The following MAP3K7CL variants were observed in gnomAD, a reference collection of about 807,000 sequenced individuals.
The protein encoded by MAP3K7CL is MAP3K7 C-terminal like.
Under a neutral mutation model 18.6 loss-of-function variants are expected in MAP3K7CL, and 16 were observed. The observed-to-expected ratio is 0.86, with a 90% CI of 0.58 to 1.31. MAP3K7CL has a LOEUF of 1.31. MAP3K7CL is among the 50% of genes most tolerant of loss of function. The pLI is 0.00. For synonymous variants in MAP3K7CL, 65 were observed against 66.8 expected (o/e 0.97, Z 0.13); for missense variants, 163 against 174.4 (o/e 0.93, Z 0.37).
At chr21:29,146,086 G>A (rs2087122570) in intron 2 of MAP3K7CL, among the ~76,000 whole-genome samples, 1 of 151,874 alleles carries the variant, frequency 6.6e-6, no homozygotes. Context: ...AATTAAGCAG[G>A]AAGGAGTGTG....
upstream of MAP3K7CL, chr21:29,085,800 C>T: frequency 6.5e-7 from 1 of 1,545,538 alleles, no homozygotes; most frequent in Non-Finnish European, 8.9e-7. Context: ...TCATAACTCT[C>T]TATATCCCCC....
At chr21:29,161,115 G>C (rs1353615547) in intron 4 of MAP3K7CL, among the ~76,000 whole-genome samples, 5 of 152,186 alleles carry the variant, frequency 3.3e-5, no homozygotes, top group Admixed American at 6.5e-5. Context: ...TTTGAGAACA[G>C]CCTGGCCAAC....
At chr21:29,173,145 T>A (rs2087883646) in intron 4 of MAP3K7CL, among the ~76,000 whole-genome samples, 1 of 152,092 alleles carries the variant, frequency 6.6e-6, no homozygotes, top group Non-Finnish European at 1.5e-5. Context: ...ATCAGGAGCT[T>A]TTCAGGGTAG....
chr21:29,078,669 G>C (rs1032888114), intron 1 of MAP3K7CL, among the ~76,000 whole-genome samples: 4 of 152,098 alleles, frequency 2.6e-5, no homozygotes, highest in African/African-American at 9.7e-5. Context: ...GAGAACTGGG[G>C]GTAACCAAAA....
upstream of MAP3K7CL, among the ~76,000 whole-genome samples, chr21:29,128,590 C>G (rs1481706220): frequency 6.6e-6 from 1 of 152,196 alleles, no homozygotes; most frequent in African/African-American, 2.4e-5. Context: ...GCGTGAGCCA[C>G]CGCGCCCGGC....
intron 4 of MAP3K7CL, among the ~76,000 whole-genome samples, chr21:29,165,000 A>G (rs2087649959): frequency 1.3e-5 from 2 of 152,242 alleles, no homozygotes; most frequent in Admixed American, 1.3e-4. Flanking sequence ...TGTATGTAAT[A>G]TGAAAGTCAT....
chr21:29,103,889 G>A (rs2086275940), intron 4 of MAP3K7CL, among the ~76,000 whole-genome samples: 2 of 152,184 alleles, frequency 1.3e-5, no homozygotes, highest in South Asian at 4.2e-4. Context: ...GGGTGACAGA[G>A]TGAGACCCTG....
chr21:29,097,471 T>G (rs555328720), intron 4 of MAP3K7CL, among the ~76,000 whole-genome samples: 4 of 152,314 alleles, frequency 2.6e-5, no homozygotes, highest in African/African-American at 9.6e-5. Context: ...ATTTTAAATT[T>G]TATTATTGCC....
chr21:29,088,224 G>A (rs1365256150), intron 1 of MAP3K7CL, among the ~76,000 whole-genome samples: 1 of 152,140 alleles, frequency 6.6e-6, no homozygotes, highest in East Asian at 1.9e-4. Flanking sequence ...GAAAGGTGAA[G>A]CTTTAATAGG....
chr21:29,088,997 C>G (rs1157362856), intron 1 of MAP3K7CL, among the ~76,000 whole-genome samples: 1 of 151,812 alleles, frequency 6.6e-6, no homozygotes, highest in Non-Finnish European at 1.5e-5. Context: ...TGGTGAAACC[C>G]CGTCTCTACT....
chr21:29,151,552 A>G (rs1313003853), intron 3 of MAP3K7CL, among the ~76,000 whole-genome samples: 1 of 152,178 alleles, frequency 6.6e-6, no homozygotes, highest in Non-Finnish European at 1.5e-5. Context: ...TCCCCTAGTC[A>G]TATTTTTTCC....
chr21:29,110,337 A>C (rs2086397973), intron 4 of MAP3K7CL, among the ~76,000 whole-genome samples: 1 of 152,086 alleles, frequency 6.6e-6, no homozygotes, highest in Non-Finnish European at 1.5e-5. Context: ...TTCTATATTC[A>C]GATGCTTGGG....
chr21:29,091,374 G>T, intron 1 of MAP3K7CL: 2 of 530,600 alleles, frequency 3.8e-6, no homozygotes, highest in Non-Finnish European at 6.6e-6. Flanking sequence ...TTAGCCAGTT[G>T]ATTTTTAAGT....
chr21:29,160,344 C>T (rs1264480243), intron 4 of MAP3K7CL, among the ~76,000 whole-genome samples: 1 of 152,180 alleles, frequency 6.6e-6, no homozygotes, highest in African/African-American at 2.4e-5. Context: ...TAAATGTGCC[C>T]AGAGGCTGCA....
intron 4 of MAP3K7CL, among the ~76,000 whole-genome samples, chr21:29,112,498 T>C (rs572191969): frequency 2.6e-5 from 4 of 152,284 alleles, no homozygotes; most frequent in African/African-American, 7.2e-5. Flanking sequence ...TAATGATTGA[T>C]GTATTAGATT....
intron 2 of MAP3K7CL, among the ~76,000 whole-genome samples, chr21:29,142,015 C>T (rs187088780): frequency 1.6e-3 from 243 of 150,894 alleles, no homozygotes; most frequent in African/African-American, 5.5e-3. Flanking sequence ...ACCTTTTATG[C>T]GTAAGTTAAT....
chr21:29,154,628 A>G (rs2087356632), intron 3 of MAP3K7CL, among the ~76,000 whole-genome samples: 1 of 152,194 alleles, frequency 6.6e-6, no homozygotes, highest in Non-Finnish European at 1.5e-5. Context: ...ATTTTGCATC[A>G]ATATATTGCT....
At chr21:29,078,956 T>C (rs1413047194) in intron 1 of MAP3K7CL, among the ~76,000 whole-genome samples, 1 of 152,202 alleles carries the variant, frequency 6.6e-6, no homozygotes, top group Non-Finnish European at 1.5e-5. Flanking sequence ...ATTACATAGA[T>C]GACAAAAGGA....
intron 4 of MAP3K7CL, among the ~76,000 whole-genome samples, chr21:29,110,242 C>T (rs893348820): frequency 1.3e-5 from 2 of 152,160 alleles, no homozygotes; most frequent in African/African-American, 4.8e-5. Flanking sequence ...TCTTTGCCAC[C>T]ATATCCCTCC....
Sources: allele counts gnomAD v4.1 joint callset (sites outside exome capture counted in the v4.1 genomes callset), GRCh38; gene constraint gnomAD v4.1.1; transcripts MANE v1.5; gene names NCBI Gene and HGNC (gene_info 2026-07-23, HGNC 2026-07-21).